The following ACTN4 variants were observed in gnomAD, a reference collection of about 807,000 sequenced individuals.
ACTN4 encodes the protein actinin alpha 4, also known as alpha-actinin-4.
ACTN4 carries 18 observed loss-of-function variants against 114.2 expected under a neutral mutation model. The ratio of observed to expected loss-of-function variants is 0.16; its 90% CI spans 0.11 to 0.23. ACTN4 has a LOEUF of 0.23. Ranked by LOEUF, ACTN4 falls within the 10% of genes least tolerant of loss-of-function variation. The pLI is 1.00. For missense variants in ACTN4, 722 were observed against 1,262.9 expected, an observed-to-expected ratio of 0.57 and a Z score of 6.49; for synonymous variants, 515 against 506.3, an observed-to-expected ratio of 1.02 and a Z score of -0.23.
intron 1 of ACTN4, among the ~76,000 whole-genome samples, chr19:38,676,277 A>G (rs891632455): frequency 4.6e-5 from 7 of 152,242 alleles, no homozygotes; most frequent in Admixed American, 1.3e-4. Flanking sequence ...CAACTGCTAG[A>G]TAAGTAAGCA....
chr19:38,697,346 C>T (rs1173046544), intron 1 of ACTN4, among the ~76,000 whole-genome samples: 1 of 152,218 alleles, frequency 6.6e-6, no homozygotes, highest in Non-Finnish European at 1.5e-5. Context: ...GATCTCAGCA[C>T]GTGCTTATGT....
intron 1 of ACTN4, among the ~76,000 whole-genome samples, chr19:38,656,780 TC>T (rs949605667): frequency 6.6e-6 from 1 of 152,022 alleles, no homozygotes; most frequent in Non-Finnish European, 1.5e-5. Context: ...TTTTAAAGTT[TC>T]CCCCCCAAAG....
At chr19:38,688,585 A>C (rs1967823346) in intron 1 of ACTN4, among the ~76,000 whole-genome samples, 1 of 151,484 alleles carries the variant, frequency 6.6e-6, no homozygotes, top group Non-Finnish European at 1.5e-5. Context: ...TAATAATAAA[A>C]ATGAGAAATT....
Position 38,731,058 on chromosome 19 carries a change from T to TC in ACTN4, c.*1630dup. On this transcript the variant is annotated 3_prime_UTR_variant, in exon 21 of 21. Coordinates refer to ENST00000252699, the MANE Select transcript of ACTN4 (RefSeq NM_004924.6). ...GAGGGGCAGGGTGAGTGCCCACCAG[T>TC]CCCCGTACCCCTTCCCCCCATGCCC... 1 of 1,561,488 alleles carries TC rather than the reference T, an allele frequency of 6.4e-7. No individual in the cohort carries two copies. The highest frequency in any genetic ancestry group is 2.4e-5 in the East Asian group (1 of 41,662).
intron 11 of ACTN4, among the ~76,000 whole-genome samples, chr19:38,719,074 G>C (rs928819340): frequency 2.6e-5 from 4 of 152,166 alleles, no homozygotes; most frequent in African/African-American, 4.8e-5. Flanking sequence ...TTCTGTTCTC[G>C]GCAGCCCTGC....
intron 11 of ACTN4, 34 bp downstream of exon 11, chr19:38,718,108 C>A: frequency 6.3e-7 from 1 of 1,580,138 alleles, no homozygotes; most frequent in East Asian, 2.3e-5. Flanking sequence ...CTGCCCAGCC[C>A]CGCTCCCGTG....
chr19:38,649,272 T>TGGG (rs66959926), intron 1 of ACTN4, among the ~76,000 whole-genome samples: 5 of 59,654 alleles, frequency 8.4e-5, no homozygotes, highest in African/African-American at 3.5e-4. Context: ...TCAGTGTCTG[T>TGGG]GGGGGGGGGA....
At chr19:38,677,616 G>T (rs1338598329) in intron 1 of ACTN4, among the ~76,000 whole-genome samples, 1 of 49,320 alleles carries the variant, frequency 2.0e-5, no homozygotes, top group East Asian at 5.8e-4. Context: ...CTAAAAGTGT[G>T]CTCTGGAAGG....
At chr19:38,685,809 G>C (rs1451142205) in intron 1 of ACTN4, among the ~76,000 whole-genome samples, 1 of 152,020 alleles carries the variant, frequency 6.6e-6, no homozygotes, top group East Asian at 1.9e-4. Flanking sequence ...TTGGCCGGGT[G>C]GACTGTTGAA....
chr19:38,681,129 GAAAAAAA>G (rs35906770), intron 1 of ACTN4, among the ~76,000 whole-genome samples: 1,040 of 69,294 alleles, frequency 0.015, 16 homozygotes, highest in East Asian at 0.091. Context: ...CCAATCTCTA[GAAAAAAA>G]AAAAAAAAAA....
intron 1 of ACTN4, among the ~76,000 whole-genome samples, chr19:38,677,819 C>T (rs1377460718): frequency 6.6e-6 from 1 of 152,156 alleles, no homozygotes; most frequent in African/African-American, 2.4e-5. Context: ...CCCTACCTCC[C>T]GGGTTGAAGT....
intron 1 of ACTN4, among the ~76,000 whole-genome samples, chr19:38,662,775 C>G (rs961728151): frequency 6.6e-6 from 1 of 152,114 alleles, no homozygotes; most frequent in African/African-American, 2.4e-5. Context: ...CAAGCTGCTG[C>G]AGATAGGAAA....
intron 19 of ACTN4, chr19:38,728,448 T>TCCCC (rs1251285477): frequency 2.6e-4 from 190 of 730,924 alleles, no homozygotes; most frequent in Middle Eastern, 5.6e-4. Context: ...CTCCTCCTCC[T>TCCCC]CCCCCCCACC....
chr19:38,709,545 G>A (rs2084157235), intron 7 of ACTN4, 69 bp downstream of exon 7: 8 of 1,383,468 alleles, frequency 5.8e-6, no homozygotes, highest in Middle Eastern at 1.8e-4. Context: ...GGCTGGCCTC[G>A]GGCAAGGGGC....
At chr19:38,659,065 C>CTTTTCTTTTTTTT (rs1555822759) in intron 1 of ACTN4, among the ~76,000 whole-genome samples, 1 of 111,692 alleles carries the variant, frequency 9.0e-6, no homozygotes, top group African/African-American at 3.3e-5. Context: ...CTTTTCTTTT[C>CTTTTCTTTTTTTT]TTTTTTTTTT....
chr19:38,678,773 G>A (rs540965341), intron 1 of ACTN4, among the ~76,000 whole-genome samples: 1 of 152,262 alleles, frequency 6.6e-6, no homozygotes, highest in South Asian at 2.1e-4. Flanking sequence ...GCCACTGTGT[G>A]TTACCCCAAG....
chr19:38,731,295 T>C lies in ACTN4; in HGVS notation c.*1863T>C. ...CTTGGCATTGCATCCCCACCCCACC[T>C]CCTCAGGGAGGACATGAATGCCACA... is the stretch of plus-strand genomic sequence containing the variant. On this transcript the variant is annotated 3_prime_UTR_variant, in exon 21 of 21. Coordinates refer to ENST00000252699, the MANE Select transcript of ACTN4 (RefSeq NM_004924.6). 1 of 1,188,408 alleles carries C rather than the reference T, an allele frequency of 8.4e-7. No individual in the cohort carries two copies. Among genetic ancestry groups the C allele is most frequent in the South Asian group, 1.2e-5 (1 of 81,966 alleles). The allele number at this position is 1,188,408 out of a possible 1,614,324, so 73.6% of individuals were successfully genotyped here. A position where few individuals can be genotyped will look rare whatever the true frequency, so the allele number is the denominator to read the frequency against.
At chr19:38,655,288 C>A (rs560141366) in intron 1 of ACTN4, among the ~76,000 whole-genome samples, 1 of 152,142 alleles carries the variant, frequency 6.6e-6, no homozygotes, top group Non-Finnish European at 1.5e-5. Context: ...GGTTACCACT[C>A]GGGCTGAAGG....
rs1968446806 is a variant in ACTN4 at position 38,705,979 on chromosome 19, A to G, written c.485-65A>G. The G allele has an allele frequency of 1.0e-5, 16 of 1,566,502 alleles. No homozygotes were observed. In the East Asian group the frequency reaches 3.6e-4, roughly 35 times the overall value. ...CAGGCCTGAGCCGAAAGTCCCATCC[A>G]ACTTGGGCTGAGTTCTGAGGGTTTA... On this transcript the variant is annotated intron_variant, in intron 4 of 20. Transcript: ENST00000252699.
Sources: gnomAD v4.1 joint callset for allele counts (sites outside exome capture counted in the v4.1 genomes callset) on GRCh38, gnomAD v4.1.1 for gene constraint, MANE v1.5 for transcripts, NCBI Gene and HGNC (gene_info 2026-07-23, HGNC 2026-07-21) for gene names.